ESRRB: variants seen among roughly 807,000 people sequenced by gnomAD.
ESRRB encodes the protein estrogen related receptor beta.
A neutral mutation model predicts 46.0 loss-of-function variants in ESRRB; 16 were observed. That is an observed-to-expected ratio of 0.35 (90% CI 0.24 to 0.53). The LOEUF is 0.53. ESRRB is among the 20% of genes least tolerant of loss of function. ESRRB has a pLI of 0.93. For missense variants in ESRRB, 488 were observed against 607.4 expected, an observed-to-expected ratio of 0.80 and a Z score of 2.07; for synonymous variants, 246 against 259.6, an observed-to-expected ratio of 0.95 and a Z score of 0.50.
chr14:76,492,885 C>T (rs1422158632), intron 6 of ESRRB, among the ~76,000 whole-genome samples: 1 of 152,168 alleles, frequency 6.6e-6, no homozygotes, highest in African/African-American at 2.4e-5. Context: ...AGAGAGCTTC[C>T]ACACTATTCA....
At chr14:76,339,594 G>A (rs1221238639) in intron 1 of ESRRB, among the ~76,000 whole-genome samples, 13 of 152,190 alleles carry the variant, frequency 8.5e-5, no homozygotes, top group African/African-American at 3.1e-4. Flanking sequence ...GTGTGGACAT[G>A]TGCGTGCTCT....
intron 1 of ESRRB, among the ~76,000 whole-genome samples, chr14:76,416,141 T>TC (rs1886690284): frequency 6.6e-6 from 1 of 150,644 alleles, no homozygotes; most frequent in Non-Finnish European, 1.5e-5. Context: ...CCCTTTTTTT[T>TC]TTTTTTTTTT....
intron 1 of ESRRB, among the ~76,000 whole-genome samples, chr14:76,426,738 A>G (rs1887218308): frequency 1.3e-5 from 2 of 152,138 alleles, no homozygotes; most frequent in South Asian, 4.1e-4. Context: ...TATTCAGAGA[A>G]CAATAGTTGA....
At chr14:76,394,570 G>A (rs189951394) in intron 1 of ESRRB, among the ~76,000 whole-genome samples, 1 of 152,206 alleles carries the variant, frequency 6.6e-6, no homozygotes, top group Non-Finnish European at 1.5e-5. Context: ...TTTTACAGAA[G>A]AGAAAACTGA....
chr14:76,355,221 G>A (rs1384115816), intron 1 of ESRRB, among the ~76,000 whole-genome samples: 1 of 152,176 alleles, frequency 6.6e-6, no homozygotes, highest in Non-Finnish European at 1.5e-5. Flanking sequence ...GAGAAGTTAA[G>A]GACAAAGATA....
chr14:76,332,732 T>G (rs1884041020), intron 1 of ESRRB, among the ~76,000 whole-genome samples: 1 of 22,268 alleles, frequency 4.5e-5, no homozygotes, highest in African/African-American at 1.8e-4. Context: ...TATATATTTA[T>G]ATATTATATA....
intron 1 of ESRRB, among the ~76,000 whole-genome samples, chr14:76,342,542 C>T (rs770990730): frequency 4.6e-4 from 70 of 152,332 alleles, no homozygotes; most frequent in Non-Finnish European, 5.7e-4. Context: ...CATCTCCACT[C>T]GTTCAGGTGA....
chr14:76,461,076 T>C (rs1210504152), intron 2 of ESRRB, among the ~76,000 whole-genome samples: 3 of 151,584 alleles, frequency 2.0e-5, no homozygotes, highest in African/African-American at 7.3e-5. Context: ...ACCAGGCACA[T>C]TGTAGGTGCT....
chr14:76,331,272 G>A (rs960052907), intron 1 of ESRRB, among the ~76,000 whole-genome samples: 2 of 152,174 alleles, frequency 1.3e-5, no homozygotes, highest in African/African-American at 4.8e-5. Flanking sequence ...GTGAAGACCG[G>A]CCAGTGGTAA....
chr14:76,431,842 C>T (rs1887460470), intron 1 of ESRRB, among the ~76,000 whole-genome samples: 1 of 152,168 alleles, frequency 6.6e-6, no homozygotes, highest in African/African-American at 2.4e-5. Context: ...ACACTCCCCG[C>T]TCCTCCCCAG....
In ESRRB at chr14:76,331,276, G is replaced by T. The variant is rs75814241; in HGVS notation, c.2+20360G>T. Reference sequence around the variant, plus strand: ...CTGAGTGCCTGGTGAAGACCGGCCAGTGGTAATGGTTGTGGCTCCAGAATC... The same window carrying T: ...CTGAGTGCCTGGTGAAGACCGGCCATTGGTAATGGTTGTGGCTCCAGAATC... On this transcript the variant is annotated intron_variant, in intron 1 of 6. Transcript: ENST00000512784. 8.7e-4 allele frequency among the ~76,000 whole-genome samples: 133 copies of T among 152,308 alleles called. 1 individual carries two copies. Among genetic ancestry groups the T allele is most frequent in the African/African-American group, 3.2e-3 (131 of 41,578 alleles).
At chr14:76,354,463 G>C (rs1005009082) in intron 1 of ESRRB, among the ~76,000 whole-genome samples, 1 of 152,062 alleles carries the variant, frequency 6.6e-6, no homozygotes, top group Non-Finnish European at 1.5e-5. Flanking sequence ...GCACTCTGAA[G>C]GGGGAGGACA....
chr14:76,344,708 C>T (rs892438695), intron 1 of ESRRB, among the ~76,000 whole-genome samples: 1 of 152,084 alleles, frequency 6.6e-6, no homozygotes, highest in Non-Finnish European at 1.5e-5. Context: ...AAAAATTAGC[C>T]AGGCATGGTG....
At chr14:76,469,919 GTTTTTTGTTGTTTTT>G (rs1476435954) in intron 3 of ESRRB, among the ~76,000 whole-genome samples, 17 of 84,546 alleles carry the variant, frequency 2.0e-4, no homozygotes, top group East Asian at 1.4e-3. Flanking sequence ...ACTAGGCTGT[GTTTTTTGTTGTTTTT>G]TTTTTTTTTC....
intron 1 of ESRRB, among the ~76,000 whole-genome samples, chr14:76,353,998 G>A (rs1325671910): frequency 6.6e-6 from 1 of 151,974 alleles, no homozygotes; most frequent in Non-Finnish European, 1.5e-5. Flanking sequence ...AAACTAAAAG[G>A]TCACACATTG....
chr14:76,469,926 G>GTTTTTTTTTTTTTTTTTTTTTTTTTTTT (rs1356927268), intron 3 of ESRRB, among the ~76,000 whole-genome samples: 1 of 67,648 alleles, frequency 1.5e-5, no homozygotes. Context: ...TGTGTTTTTT[G>GTTTTTTTTTTTTTTTTTTTTTTTTTTTT]TTGTTTTTTT....
At chr14:76,372,993 A>G (rs116243036), upstream of ESRRB, among the ~76,000 whole-genome samples, 210 of 152,274 alleles carry the variant, frequency 1.4e-3, 1 homozygote, top group South Asian at 2.5e-3. Context: ...CCTTTGTCAA[A>G]TCTGATGATG....
intron 1 of ESRRB, among the ~76,000 whole-genome samples, chr14:76,380,631 G>A (rs551036714): frequency 7.9e-5 from 12 of 152,244 alleles, no homozygotes; most frequent in Admixed American, 2.6e-4. Flanking sequence ...TGAGACCCTC[G>A]TAATGCTCTT....
intron 2 of ESRRB, among the ~76,000 whole-genome samples, chr14:76,458,654 G>A (rs770448157): frequency 2.6e-5 from 4 of 152,108 alleles, no homozygotes; most frequent in Non-Finnish European, 5.9e-5. Context: ...TGACAGGTTG[G>A]CTGAGCAGCT....
Sources: allele counts gnomAD v4.1 joint callset (sites outside exome capture counted in the v4.1 genomes callset), GRCh38; gene constraint gnomAD v4.1.1; transcripts MANE v1.5; gene names NCBI Gene and HGNC (gene_info 2026-07-23, HGNC 2026-07-21).